LRRFIP1: variants seen among roughly 807,000 people sequenced by gnomAD.
The protein encoded by LRRFIP1 is LRR binding FLII interacting protein 1.
A neutral mutation model predicts 104.4 loss-of-function variants in LRRFIP1; 62 were observed. The observed-to-expected ratio is 0.59, with a 90% CI of 0.48 to 0.73. LRRFIP1 has a LOEUF of 0.73. Ranked by LOEUF, LRRFIP1 falls within the 30% of genes least tolerant of loss-of-function variation. LRRFIP1 has a pLI of 0.00. For synonymous variants in LRRFIP1, 300 were observed against 299.0 expected (o/e 1.00, Z -0.03); for missense variants, 796 against 824.5 (o/e 0.97, Z 0.42).
At chr2:237,754,466 G>C (rs2059035069) in intron 15 of LRRFIP1, among the ~76,000 whole-genome samples, 2 of 152,226 alleles carry the variant, frequency 1.3e-5, no homozygotes, top group Non-Finnish European at 2.9e-5. Flanking sequence ...GGGCTTGGAT[G>C]TTCTTTAGAT....
chr2:237,632,476 A>G (rs2082522844), intron 1 of LRRFIP1, among the ~76,000 whole-genome samples: 1 of 152,152 alleles, frequency 6.6e-6, no homozygotes, highest in Admixed American at 6.5e-5. Context: ...CAGTCCTGCC[A>G]TGGGCTCTGC....
At chr2:237,674,978 T>C (rs966219967) in intron 1 of LRRFIP1, among the ~76,000 whole-genome samples, 26 of 152,316 alleles carry the variant, frequency 1.7e-4, no homozygotes, top group African/African-American at 6.0e-4. Context: ...GCCTGGGCAG[T>C]GGGAGGAGGG....
intron 1 of LRRFIP1, among the ~76,000 whole-genome samples, chr2:237,642,224 G>C (rs978506341): frequency 6.6e-6 from 1 of 152,220 alleles, no homozygotes; most frequent in Non-Finnish European, 1.5e-5. Flanking sequence ...CAAGGACCGC[G>C]TGTGTGCAGT....
intron 1 of LRRFIP1, chr2:237,692,250 C>T: frequency 8.8e-7 from 1 of 1,136,838 alleles, no homozygotes; most frequent in African/African-American, 1.6e-5. Flanking sequence ...ACCTGCGCCC[C>T]GCCCCTGTCG....
intron 19 of LRRFIP1, chr2:237,763,105 A>C (rs762862134): frequency 1.2e-6 from 2 of 1,614,252 alleles, no homozygotes; most frequent in Non-Finnish European, 1.7e-6. Context: ...CCCAAGAGTT[A>C]GAGACAAGCA....
chr2:237,638,659 G>A (rs1326143879), intron 1 of LRRFIP1, among the ~76,000 whole-genome samples: 1 of 152,244 alleles, frequency 6.6e-6, no homozygotes, highest in African/African-American at 2.4e-5. Flanking sequence ...TTGAAATGCG[G>A]TTAGTACAGT....
chr2:237,769,838 C>A, intron 19 of LRRFIP1, 105 bp from the exon 20 acceptor site: 1 of 842,926 alleles, frequency 1.2e-6, no homozygotes, highest in Non-Finnish European at 2.0e-6. Context: ...TAACTACTTC[C>A]ATCATTCATT....
intron 1 of LRRFIP1, among the ~76,000 whole-genome samples, chr2:237,644,780 C>T (rs760739815): frequency 6.6e-6 from 1 of 152,228 alleles, no homozygotes; most frequent in Non-Finnish European, 1.5e-5. Flanking sequence ...ATGACGATTT[C>T]TCAGTATTTA....
chr2:237,685,565 G>C (rs2092304717), intron 1 of LRRFIP1, among the ~76,000 whole-genome samples: 1 of 152,084 alleles, frequency 6.6e-6, no homozygotes, highest in Non-Finnish European at 1.5e-5. Context: ...TCTGCATCTA[G>C]TTATCTGCCC....
Position 237,760,182 on chromosome 2 carries a change from A to C in LRRFIP1, c.1436A>C (p.Lys479Thr), listed in dbSNP as rs2059708873. The C allele has an allele frequency of 6.2e-7, 1 of 1,614,040 alleles. No individual in the cohort carries two copies. Among genetic ancestry groups the C allele is most frequent in the African/African-American group, 1.3e-5 (1 of 74,924 alleles). ...KMTKEELNAL[K>T]STGDGTLDIR... ...ACAAAAGAAGAGTTAAATGCCCTCAAGTCGACAGGGGATGGGACCCTAGGT... is the reference window on the plus strand; with the variant it reads ...ACAAAAGAAGAGTTAAATGCCCTCACGTCGACAGGGGATGGGACCCTAGGT... The change falls in exon 19 of 24, where the codon AAG becomes ACG. Residue 479 changes from lysine to threonine, a missense_variant. Lys to Thr is a moderately conservative substitution (Grantham distance 78). Transcript: ENST00000308482.
At chr2:237,773,723 AAG>A (rs552180816) in intron 22 of LRRFIP1, 3 of 152,358 alleles carry the variant, frequency 2.0e-5, no homozygotes, top group Non-Finnish European at 2.9e-5. Context: ...TCTAGCCAGA[AAG>A]AGAGAAAAAA....
intron 8 of LRRFIP1, among the ~76,000 whole-genome samples, chr2:237,731,408 C>T (rs189586988): frequency 6.2e-4 from 95 of 152,092 alleles, no homozygotes; most frequent in African/African-American, 1.8e-3. Flanking sequence ...AGCTCCATGG[C>T]GCCCACTGCT....
chr2:237,628,466 C>T (rs1023863401), intron 1 of LRRFIP1, among the ~76,000 whole-genome samples: 4 of 151,646 alleles, frequency 2.6e-5, no homozygotes, highest in African/African-American at 9.7e-5. Flanking sequence ...AGGATTCTAC[C>T]TTAAGGCTAA....
chr2:237,755,825 T>C (rs1056279470), intron 15 of LRRFIP1, among the ~76,000 whole-genome samples: 3 of 152,162 alleles, frequency 2.0e-5, no homozygotes, highest in African/African-American at 7.2e-5. Context: ...TCCCAGCTAC[T>C]TGGGAGGCTG....
intron 2 of LRRFIP1, among the ~76,000 whole-genome samples, chr2:237,710,439 A>G (rs1241328476): frequency 2.0e-5 from 3 of 151,950 alleles, no homozygotes; most frequent in Non-Finnish European, 4.4e-5. Context: ...ACCCGCCACC[A>G]TGCCCGGCTA....
chr2:237,686,831 C>T (rs777876526), intron 1 of LRRFIP1, among the ~76,000 whole-genome samples: 37 of 152,268 alleles, frequency 2.4e-4, no homozygotes, highest in Non-Finnish European at 3.2e-4. Context: ...GTACCACCTT[C>T]TTTGCAGACA....
intron 1 of LRRFIP1, among the ~76,000 whole-genome samples, chr2:237,638,245 T>C (rs1426754144): frequency 2.0e-5 from 3 of 152,168 alleles, no homozygotes; most frequent in Non-Finnish European, 2.9e-5. Context: ...TGACAGATCA[T>C]CAGGAATTAG....
chr2:237,774,210 C>T (rs2060895481), intron 22 of LRRFIP1, 148 bp from the exon 23 acceptor site: 2 of 616,950 alleles, frequency 3.2e-6, no homozygotes, highest in Admixed American at 5.9e-5. Flanking sequence ...TTGGCTCAAA[C>T]CCACACCATA....
chr2:237,757,442 G>T lies in LRRFIP1; in HGVS notation c.1132-14G>T. 6.4e-7 allele frequency: 1 copy of T among 1,554,252 alleles called. No individual in the cohort carries two copies. The highest frequency in any genetic ancestry group is 8.7e-7 in the Non-Finnish European group (1 of 1,142,908). On this transcript the variant is annotated splice_polypyrimidine_tract_variant and intron_variant, in intron 16 of 23. Coordinates refer to ENST00000308482, the MANE Select transcript of LRRFIP1 (RefSeq NM_001137550.2). ...TTAACCCTTTATCTGCTTTCTGTCT[G>T]TTCCTTTCCTCAGGAAATCCGACAG...
Sources: gnomAD v4.1 joint callset for allele counts (sites outside exome capture counted in the v4.1 genomes callset) on GRCh38, gnomAD v4.1.1 for gene constraint, MANE v1.5 for transcripts, NCBI Gene and HGNC (gene_info 2026-07-23, HGNC 2026-07-21) for gene names.